Variants in CACNA2D4 observed in about 807,000 individuals in gnomAD.
The protein encoded by CACNA2D4 is calcium voltage-gated channel auxiliary subunit alpha2delta 4.
In CACNA2D4, 157 loss-of-function variants were observed where a neutral mutation model predicts 163.8. The observed-to-expected ratio is 0.96, with a 90% CI of 0.84 to 1.09. The LOEUF is 1.09. Ranked by LOEUF, CACNA2D4 falls within the 50% of genes least tolerant of loss-of-function variation. The probability of loss-of-function intolerance (pLI) is 0.00; values close to 1 mark genes in which losing one functional copy is unlikely to be tolerated. For missense variants in CACNA2D4, 1,410 were observed against 1,479.9 expected (o/e 0.95, Z 0.78); for synonymous variants, 598 against 586.9 (o/e 1.02, Z -0.27).
At chr12:1,818,366 G>C (rs1286124587) in intron 26 of CACNA2D4, among the ~76,000 whole-genome samples, 1 of 151,896 alleles carries the variant, frequency 6.6e-6, no homozygotes, top group African/African-American at 2.4e-5. Context: ...AAATCGGATG[G>C]TTGCCGTGTC....
In CACNA2D4 at chr12:1,844,598, A is replaced by C; in HGVS notation, c.2343-69T>G. 3,405 of 1,492,600 alleles carry C rather than the reference A, an allele frequency of 2.3e-3. No homozygotes were observed. The highest frequency in any genetic ancestry group is 2.9e-3 in the Non-Finnish European group (3,124 of 1,086,816). 92.5% of individuals were successfully genotyped at this position (1,492,600 alleles called of 1,614,324 possible). A position where few individuals can be genotyped will look rare whatever the true frequency, so the allele number is the denominator to read the frequency against. On this transcript the variant is annotated intron_variant, in intron 24 of 37. Transcript: ENST00000382722. This position sits in a 1 kb window ranked among gnomAD's most constrained non-coding sequence, Gnocchi z 4.2. ...ACAGTCATCACTCTTTCCTTTTCTC[A>C]CACAAGGTCAACTTGGCTGGGCTAA...
chr12:1,859,993 C>T (rs1377760208), intron 19 of CACNA2D4, among the ~76,000 whole-genome samples, 152 bp downstream of exon 19: 1 of 152,164 alleles, frequency 6.6e-6, no homozygotes, highest in East Asian at 1.9e-4. Flanking sequence ...AACCTGCATT[C>T]TAGGCTACAC....
At chr12:1,901,654 A>C (rs1489861977) in intron 6 of CACNA2D4, among the ~76,000 whole-genome samples, 1 of 152,132 alleles carries the variant, frequency 6.6e-6, no homozygotes, top group Non-Finnish European at 1.5e-5. Flanking sequence ...GAAATCCAAA[A>C]CCTGAACAAA....
rs1026503841 is a variant in CACNA2D4, at chr12:1,797,499, C to T, written c.3032G>A (p.Cys1011Tyr). 1.3e-6 allele frequency: 2 copies of T among 1,582,814 alleles called. No homozygotes were observed. Among genetic ancestry groups the T allele is most frequent in the African/African-American group, 2.7e-5 (2 of 74,376 alleles). ...CACGAACACGGGGTACTCCGTGTCG[C>T]AGGGCTGCAGCGGGTCCTGCTTCTT... ...KHKKQDPLQP[C>Y]DTEYPVFVYQ... Residue 1011 changes from cysteine (C) to tyrosine (Y), a missense_variant, in exon 35 of 38, where the codon TGC becomes TAC. Cys to Tyr is a radical substitution (Grantham distance 194, BLOSUM62 -2). Coordinates refer to ENST00000382722, the MANE Select transcript of CACNA2D4 (RefSeq NM_172364.5).
intron 26 of CACNA2D4, 92 bp from the exon 27 acceptor site, chr12:1,811,815 G>A: frequency 7.9e-7 from 1 of 1,263,446 alleles, no homozygotes; most frequent in Admixed American, 2.0e-5. Flanking sequence ...GCTTCCGCAG[G>A]AACTGAGGAG....
intron 29 of CACNA2D4, among the ~76,000 whole-genome samples, chr12:1,805,906 G>C (rs1242921927): frequency 6.6e-6 from 1 of 152,258 alleles, no homozygotes; most frequent in African/African-American, 2.4e-5. Context: ...GCAGGCGGCA[G>C]GGAAGGTGAG....
At chr12:1,804,484 A>G (rs1052164218) in intron 29 of CACNA2D4, among the ~76,000 whole-genome samples, 1 of 152,222 alleles carries the variant, frequency 6.6e-6, no homozygotes, top group Admixed American at 6.5e-5. Flanking sequence ...AAGGATGTGT[A>G]TCCTGGACAC....
rs1467717118 is a variant in CACNA2D4 at position 1,833,715 on chromosome 12, G to T, written c.2551+7024C>A. ...GCTGCCCATTCTTAGGCAACCAAAA[G>T]GTCTTGCGTGGAGGGGCAGCGGCAG... On this transcript the variant is annotated intron_variant, in intron 26 of 37. Coordinates refer to ENST00000382722, the MANE Select transcript of CACNA2D4 (RefSeq NM_172364.5). The surrounding 1 kb of genome is among the most constrained non-coding windows in gnomAD (Gnocchi z 4.2). 6.6e-6 allele frequency among the ~76,000 whole-genome samples: 1 copy of T among 152,234 alleles called. No individual in the cohort carries two copies. The highest frequency in any genetic ancestry group is 2.4e-5 in the African/African-American group (1 of 41,464).
intron 9 of CACNA2D4, among the ~76,000 whole-genome samples, chr12:1,885,287 G>A (rs1866108931): frequency 6.6e-6 from 1 of 152,126 alleles, no homozygotes; most frequent in Admixed American, 6.5e-5. Context: ...GAAATGACTT[G>A]GTACACATCC....
Position 1,834,758 on chromosome 12 carries a change from G to T in CACNA2D4, c.2551+5981C>A. The T allele has an allele frequency of 6.5e-7, 1 of 1,548,472 alleles. No individual in the cohort carries two copies. ...CACCCGGCCAGGTAGGAAGGGCGGG[G>T]AGAGCACACGGCATTGCTCAGCCAC... is the stretch of plus-strand genomic sequence containing the variant. On this transcript the variant is annotated intron_variant, in intron 26 of 37. Coordinates refer to ENST00000382722, the MANE Select transcript of CACNA2D4 (RefSeq NM_172364.5). The surrounding 1 kb of genome is among the most constrained non-coding windows in gnomAD (Gnocchi z 7.6).
intron 26 of CACNA2D4, among the ~76,000 whole-genome samples, chr12:1,830,270 G>A (rs987334551): frequency 6.6e-6 from 1 of 152,254 alleles, no homozygotes; most frequent in East Asian, 1.9e-4. Flanking sequence ...TAGGTGCACA[G>A]CCTGGGCTCT....
At chr12:1,860,599 ACT>A (rs2154448578) in intron 18 of CACNA2D4, among the ~76,000 whole-genome samples, 1 of 152,082 alleles carries the variant, frequency 6.6e-6, no homozygotes, top group Admixed American at 6.5e-5. Flanking sequence ...GTAGACCATG[ACT>A]CTATGGTTCC....
intron 26 of CACNA2D4, among the ~76,000 whole-genome samples, chr12:1,821,642 G>A (rs1013865888): frequency 6.6e-6 from 1 of 152,166 alleles, no homozygotes; most frequent in Non-Finnish European, 1.5e-5. Flanking sequence ...AGCGGGGCCA[G>A]GCCTGCCTGG....
At chr12:1,876,384 C>T (rs1321003485) in intron 16 of CACNA2D4, among the ~76,000 whole-genome samples, 1 of 152,186 alleles carries the variant, frequency 6.6e-6, no homozygotes, top group Non-Finnish European at 1.5e-5. Context: ...CCTGACTTCT[C>T]TCTCTCTGAA....
At chr12:1,825,642 A>G (rs1864282575) in intron 26 of CACNA2D4, among the ~76,000 whole-genome samples, 1 of 152,160 alleles carries the variant, frequency 6.6e-6, no homozygotes, top group Admixed American at 6.5e-5. Context: ...GTTAGCACAT[A>G]CCTAGCTGCA....
chr12:1,916,530 C>T (rs1312846576), intron 1 of CACNA2D4, among the ~76,000 whole-genome samples: 3 of 150,484 alleles, frequency 2.0e-5, no homozygotes, highest in Non-Finnish European at 4.4e-5. Flanking sequence ...GATCTCTGAG[C>T]GTCGACAGCT....
intron 26 of CACNA2D4, chr12:1,831,131 C>A: frequency 6.2e-7 from 1 of 1,613,994 alleles, no homozygotes; most frequent in Non-Finnish European, 8.5e-7. Context: ...GCTGGGCTTT[C>A]GCCAACCTCT....
rs1056476242 is a variant in CACNA2D4 at position 1,817,497 on chromosome 12, C to CTCTCCCTCTCTTTCCCCGG, written c.2552-5793_2552-5775dup. Among the ~76,000 whole-genome samples, 3 of 152,266 alleles carry CTCTCCCTCTCTTTCCCCGG rather than the reference C, an allele frequency of 2.0e-5. No homozygotes were observed. In the Middle Eastern group the frequency reaches 0.01, roughly 518 times the overall value. ...CCTCTCCCCTCTCCCCACGGTCTCC[C>CTCTCCCTCTCTTTCCCCGG]TCTCCCTCTCTTTCCCCGGTCTCCC... On this transcript the variant is annotated intron_variant, in intron 26 of 37. Coordinates refer to ENST00000382722, the MANE Select transcript of CACNA2D4 (RefSeq NM_172364.5).
Position 1,801,569 on chromosome 12 carries a change from C to T in CACNA2D4, c.2792+5G>A. ...TTGGACTGGGGAGGAGTGTGCCCCA[C>T]TTACTGGCTGAACACCCCCATGCTG... is the stretch of plus-strand genomic sequence containing the variant. On this transcript the variant is annotated splice_donor_5th_base_variant and intron_variant, in intron 30 of 37. Transcript: ENST00000382722. The T allele has an allele frequency of 6.3e-7, 1 of 1,580,696 alleles. No homozygotes were observed. The highest frequency in any genetic ancestry group is 8.6e-7 in the Non-Finnish European group (1 of 1,161,966).
Sources: gnomAD v4.1 joint callset for allele counts (sites outside exome capture counted in the v4.1 genomes callset) on GRCh38, gnomAD v4.1.1 for gene constraint, Gnocchi (gnomAD v3.1) non-coding constraint, MANE v1.5 for transcripts, NCBI Gene and HGNC (gene_info 2026-07-23, HGNC 2026-07-21) for gene names.